UGT2B15: variants seen among roughly 807,000 people sequenced by gnomAD.
UGT2B15 encodes the protein UDP-glucuronosyltransferase 2B15.
A neutral mutation model predicts 45.9 loss-of-function variants in UGT2B15; 36 were observed. The observed-to-expected ratio is 0.78, with a 90% CI of 0.60 to 1.04. UGT2B15 has a LOEUF of 1.04. UGT2B15 is among the 50% of genes least tolerant of loss of function. The probability of loss-of-function intolerance (pLI) is 0.00; values close to 1 mark genes in which losing one functional copy is unlikely to be tolerated. For missense variants in UGT2B15, 617 were observed against 622.4 expected, an observed-to-expected ratio of 0.99 and a Z score of 0.09; for synonymous variants, 219 against 216.4, an observed-to-expected ratio of 1.01 and a Z score of -0.11.
In UGT2B15 at chr4:68,670,061, T is replaced by C. The variant is rs1163809622; in HGVS notation, c.558A>G (p.Gly186=). Residue 186 remains glycine (G), a synonymous_variant, in exon 1 of 6, where the codon GGA becomes GGG. Transcript: ENST00000338206. ...CATAGGAAGGAGGGAACAGAAATCCTCCACCATTCTTCTCAAATGTGTAGC... is the reference window on the plus strand; with the variant it reads ...CATAGGAAGGAGGGAACAGAAATCCCCCACCATTCTTCTCAAATGTGTAGC... The part of the protein sequence containing the change: ...SVGYTFEKNG[G]GFLFPPSYVP... The C allele has an allele frequency of 6.2e-7, 1 of 1,613,946 alleles. No individual in the cohort carries two copies.
intron 2 of UGT2B15, among the ~76,000 whole-genome samples, chr4:68,663,586 G>A (rs559000402): frequency 5.3e-5 from 8 of 151,822 alleles, no homozygotes; most frequent in African/African-American, 1.9e-4. Flanking sequence ...TTTCTGTTCA[G>A]TTCTTTTAGT....
At chr4:68,656,181 AG>A (rs1251614537) in intron 3 of UGT2B15, among the ~76,000 whole-genome samples, 1 of 152,106 alleles carries the variant, frequency 6.6e-6, no homozygotes, top group Non-Finnish European at 1.5e-5. Flanking sequence ...AATGGAAGGC[AG>A]GTAACTCTAT....
intron 2 of UGT2B15, among the ~76,000 whole-genome samples, chr4:68,667,637 AC>A (rs5859137): frequency 0.019 from 2,875 of 151,850 alleles, 87 homozygotes; most frequent in African/African-American, 0.065. Flanking sequence ...TTTCTTTTTC[AC>A]TTGTTTTTAT....
rs374763852 is a variant in UGT2B15 at position 68,662,995 on chromosome 4, C to G, written c.1005+13G>C. The G allele has an allele frequency of 2.8e-6, 4 of 1,407,724 alleles. No homozygotes were observed. Among genetic ancestry groups the G allele is most frequent in the Non-Finnish European group, 3.9e-6 (4 of 1,033,726 alleles). The allele number at this position is 1,407,724 out of a possible 1,614,324, so 87.2% of individuals were successfully genotyped here. ...ATTTAGTAGCCATCCACAGTTAAGGCACTTTATCTAACCTTTTGTGGGATC... is the reference window on the plus strand; with the variant it reads ...ATTTAGTAGCCATCCACAGTTAAGGGACTTTATCTAACCTTTTGTGGGATC... On this transcript the variant is annotated intron_variant, in intron 3 of 5. Transcript: ENST00000338206.
At chr4:68,650,077 G>A (rs1732606315) in intron 5 of UGT2B15, among the ~76,000 whole-genome samples, 2 of 152,052 alleles carry the variant, frequency 1.3e-5, no homozygotes, top group Middle Eastern at 6.8e-3. Flanking sequence ...CTCGTGATCT[G>A]CCCTCCTCAG....
chr4:68,657,991 C>G (rs1732860073), intron 3 of UGT2B15, among the ~76,000 whole-genome samples: 1 of 151,894 alleles, frequency 6.6e-6, no homozygotes, highest in Non-Finnish European at 1.5e-5. Context: ...GTCTCTGTAC[C>G]TTATGATGTA....
chr4:68,656,224 G>A (rs1732800980), intron 3 of UGT2B15, among the ~76,000 whole-genome samples: 1 of 152,058 alleles, frequency 6.6e-6, no homozygotes, highest in Non-Finnish European at 1.5e-5. Context: ...GAGGGAGGAT[G>A]AATTTGAGGT....
In UGT2B15 at chr4:68,669,916, G is replaced by C. The variant is rs772287563; in HGVS notation, c.703C>G (p.Gln235Glu). The change falls in exon 1 of 6, where the codon CAG becomes GAG. Residue 235 changes from glutamine to glutamate, a missense_variant. Physicochemically the swap from Gln to Glu is conservative, Grantham distance 29. Coordinates refer to ENST00000338206, the MANE Select transcript of UGT2B15 (RefSeq NM_001076.4). The stretch of plus-strand genomic sequence containing the variant: ...TTACCTAGAACTTCACTATAAAACT[G>C]GTCCCACTTCTTCAGATCATAAATT... ...FQIYDLKKWD[Q>E]FYSEVLGRPT... The C allele has an allele frequency of 1.9e-6, 3 of 1,611,404 alleles. No individual in the cohort carries two copies. Among genetic ancestry groups the C allele is most frequent in the Non-Finnish European group, 2.5e-6 (3 of 1,179,396 alleles).
chr4:68,661,498 A>G (rs1403300652), intron 3 of UGT2B15, among the ~76,000 whole-genome samples: 2 of 152,022 alleles, frequency 1.3e-5, no homozygotes, highest in Admixed American at 6.6e-5. Flanking sequence ...TATACTTTAT[A>G]CTAGCTGTAA....
chr4:68,650,995 G>GTTT (rs376333738), intron 5 of UGT2B15, among the ~76,000 whole-genome samples: 3 of 117,582 alleles, frequency 2.6e-5, no homozygotes, highest in Non-Finnish European at 3.4e-5. Context: ...TGATGGTGTT[G>GTTT]TTTTTTTTTT....
At chr4:68,666,029 C>T (rs978543734) in intron 2 of UGT2B15, among the ~76,000 whole-genome samples, 28 of 150,910 alleles carry the variant, frequency 1.9e-4, no homozygotes, top group Non-Finnish European at 3.3e-4. Flanking sequence ...GTAATAATCA[C>T]TATTGTACTA....
intron 5 of UGT2B15, among the ~76,000 whole-genome samples, chr4:68,653,651 AATG>A (rs1379786070): frequency 6.6e-6 from 1 of 152,026 alleles, no homozygotes. Context: ...TTCTTAAAAT[AATG>A]ATAATAAAAA....
chr4:68,652,052 G>A (rs1373625181), intron 5 of UGT2B15, among the ~76,000 whole-genome samples: 1 of 151,978 alleles, frequency 6.6e-6, no homozygotes, highest in Non-Finnish European at 1.5e-5. Context: ...AATTCCTTCA[G>A]CAGTGGTTTC....
rs535875303 is a variant in UGT2B15, at chr4:68,662,262, T to C, written c.1005+746A>G. ...AGGCACTAATCTGATTCTTAGAGCA[T>C]AGTCTTTGTTGGGCCACATTTAATA... On this transcript the variant is annotated intron_variant, in intron 3 of 5. Coordinates refer to ENST00000338206, the MANE Select transcript of UGT2B15 (RefSeq NM_001076.4). Among the ~76,000 whole-genome samples, 44 of 152,184 alleles carry C rather than the reference T, an allele frequency of 2.9e-4. No homozygotes were observed. The East Asian group carries it at 7.3e-3, about 25-fold the overall frequency.
At position 68,670,247 on chromosome 4, in the gene UGT2B15, A is replaced by G. The variant is rs374107523; in HGVS notation, c.372T>C (p.Ser124=). The part of the protein sequence containing the change: ...QELCWEYYDY[S]NKLCKDAVLN... ...AAACTGCATCTTTACAGAGCTTGTT[A>G]CTGTAGTCATAATATTCCCAACACA... The change falls in exon 1 of 6, where the codon AGT becomes AGC. Residue 124 remains serine, a synonymous_variant. Coordinates refer to ENST00000338206, the MANE Select transcript of UGT2B15 (RefSeq NM_001076.4). The G allele has an allele frequency of 5.0e-6, 8 of 1,613,902 alleles. No individual in the cohort carries two copies. In the African/African-American group the frequency reaches 5.3e-5, roughly 11 times the overall value.
chr4:68,649,577 G>C (rs540618405), intron 5 of UGT2B15, among the ~76,000 whole-genome samples: 19 of 151,584 alleles, frequency 1.3e-4, no homozygotes, highest in Admixed American at 1.2e-3. Context: ...CACCACACCC[G>C]GTCTCCATAA....
At chr4:68,647,787 C>A (rs1197469836) in intron 5 of UGT2B15, among the ~76,000 whole-genome samples, 1 of 152,010 alleles carries the variant, frequency 6.6e-6, no homozygotes, top group Non-Finnish European at 1.5e-5. Flanking sequence ...ATGATCATGG[C>A]TCAGTTCAGC....
Position 68,669,923 on chromosome 4 carries a change from C to T in UGT2B15, c.696G>A (p.Lys232=), listed in dbSNP as rs771418453. ...DFWFQIYDLK[K]WDQFYSEVLG... ...GAACTTCACTATAAAACTGGTCCCA[C>T]TTCTTCAGATCATAAATTTGAAACC... Residue 232 remains lysine (K), a synonymous_variant, in exon 1 of 6, where the codon AAG becomes AAA. Transcript: ENST00000338206. 1.9e-6 allele frequency: 3 copies of T among 1,612,742 alleles called. No individual in the cohort carries two copies. The highest frequency in any genetic ancestry group is 1.1e-5 in the South Asian group (1 of 90,828).
intron 5 of UGT2B15, among the ~76,000 whole-genome samples, chr4:68,649,429 T>A (rs1302405581): frequency 6.6e-6 from 1 of 151,184 alleles, no homozygotes; most frequent in Non-Finnish European, 1.5e-5. Flanking sequence ...CAGGTGCTCA[T>A]CCCCTACATC....
Sources: allele counts gnomAD v4.1 joint callset (sites outside exome capture counted in the v4.1 genomes callset), GRCh38; gene constraint gnomAD v4.1.1; transcripts MANE v1.5; gene names NCBI Gene and HGNC (gene_info 2026-07-23, HGNC 2026-07-21).